PTK2: variants seen among roughly 807,000 people sequenced by gnomAD.
The protein encoded by PTK2 is focal adhesion kinase 1.
In PTK2, 45 loss-of-function variants were observed where a neutral mutation model predicts 150.1. That is an observed-to-expected ratio of 0.30 (90% CI 0.24 to 0.38). The LOEUF is 0.38. PTK2 is among the 10% of genes least tolerant of loss of function. The probability of loss-of-function intolerance (pLI) is 1.00; values close to 1 mark genes in which losing one functional copy is unlikely to be tolerated. For synonymous variants in PTK2, 432 were observed against 449.2 expected (o/e 0.96, Z 0.48); for missense variants, 919 against 1,307.3 (o/e 0.70, Z 4.58).
chr8:140,805,873 GCAT>G (rs1364980900), intron 10 of PTK2, among the ~76,000 whole-genome samples: 1 of 152,116 alleles, frequency 6.6e-6, no homozygotes, highest in Non-Finnish European at 1.5e-5. Context: ...ACAATACAAA[GCAT>G]CATAACTTGC....
exon 32 of PTK2, chr8:140,658,644 C>T (rs1367339872): frequency 9.6e-6 from 2 of 208,848 alleles, no homozygotes; most frequent in African/African-American, 4.5e-5. Flanking sequence ...GTCAACATGG[C>T]TTTAATCTTT....
intron 7 of PTK2, among the ~76,000 whole-genome samples, chr8:140,837,333 C>T (rs2100119291): frequency 1.3e-5 from 2 of 152,184 alleles, no homozygotes; most frequent in South Asian, 4.1e-4. Flanking sequence ...CTGATGAACT[C>T]TCTAGTTGGT....
intron 14 of PTK2, among the ~76,000 whole-genome samples, chr8:140,766,940 A>G (rs890545021): frequency 6.6e-6 from 1 of 152,218 alleles, no homozygotes; most frequent in Non-Finnish European, 1.5e-5. Flanking sequence ...TGCCCTACAC[A>G]TAACAGATCA....
intron 1 of PTK2, among the ~76,000 whole-genome samples, chr8:140,958,837 A>C (rs1446175539): frequency 6.6e-6 from 1 of 152,228 alleles, no homozygotes; most frequent in Non-Finnish European, 1.5e-5. Context: ...CTCACAATAT[A>C]TTTCTATTAA....
intron 4 of PTK2, among the ~76,000 whole-genome samples, chr8:140,873,334 G>GT (rs1291518194): frequency 6.6e-6 from 1 of 152,184 alleles, no homozygotes; most frequent in Non-Finnish European, 1.5e-5. Flanking sequence ...TTTCACTAAG[G>GT]TATCGATTTG....
intron 4 of PTK2, chr8:140,879,188 G>T (rs12210): frequency 3.9e-6 from 1 of 257,596 alleles, no homozygotes; most frequent in Non-Finnish European, 7.3e-6. Flanking sequence ...TTTATTGGGA[G>T]CAAAGGTTGA....
At chr8:140,729,263 C>G (rs2100047783) in intron 22 of PTK2, among the ~76,000 whole-genome samples, 1 of 152,092 alleles carries the variant, frequency 6.6e-6, no homozygotes, top group African/African-American at 2.4e-5. Flanking sequence ...AACAAAAACT[C>G]CAAACAAAAA....
At chr8:140,918,260 G>A (rs776067426) in intron 2 of PTK2, among the ~76,000 whole-genome samples, 2 of 152,058 alleles carry the variant, frequency 1.3e-5, no homozygotes, top group African/African-American at 4.8e-5. Flanking sequence ...AAAGGACAAC[G>A]GCCCAAAGCT....
At chr8:140,748,420 G>A (rs1214665016) in intron 17 of PTK2, among the ~76,000 whole-genome samples, 1 of 151,238 alleles carries the variant, frequency 6.6e-6, no homozygotes, top group Admixed American at 6.6e-5. Flanking sequence ...TTGAGCCTGG[G>A]AGGCAGATGC....
chr8:140,931,443 T>C (rs921890149), intron 1 of PTK2, among the ~76,000 whole-genome samples: 1 of 152,108 alleles, frequency 6.6e-6, no homozygotes, highest in African/African-American at 2.4e-5. Flanking sequence ...TGCCTGCCTG[T>C]AGTCCCAGCT....
At chr8:140,958,230 T>G (rs145965513) in intron 1 of PTK2, among the ~76,000 whole-genome samples, 1 of 152,158 alleles carries the variant, frequency 6.6e-6, no homozygotes. Context: ...ACCAACCTAC[T>G]GGGCTCAAGC....
At chr8:140,983,670 G>A (rs1477680182) in intron 1 of PTK2, among the ~76,000 whole-genome samples, 2 of 149,340 alleles carry the variant, frequency 1.3e-5, no homozygotes, top group Admixed American at 6.7e-5. Context: ...AAGGAAGGAA[G>A]GAAGGAAGAA....
intron 1 of PTK2, among the ~76,000 whole-genome samples, chr8:140,963,331 T>C (rs986325153): frequency 6.6e-6 from 1 of 152,170 alleles, no homozygotes; most frequent in Non-Finnish European, 1.5e-5. Context: ...TAGAAGGTTA[T>C]CTAATTTTCC....
intron 1 of PTK2, among the ~76,000 whole-genome samples, chr8:140,994,108 C>T (rs1489393484): frequency 2.6e-5 from 4 of 152,122 alleles, no homozygotes; most frequent in African/African-American, 7.2e-5. Flanking sequence ...CAGTAAGATT[C>T]GGGTAGGATT....
chr8:140,659,424 C>G (rs2076182247), exon 32 of PTK2: 1 of 1,545,302 alleles, frequency 6.5e-7, no homozygotes, highest in East Asian at 2.3e-5. Flanking sequence ...GGCTAGAGAA[C>G]ATCTTCAAAA....
intron 1 of PTK2, among the ~76,000 whole-genome samples, chr8:140,937,585 T>TAAAAAAAAAAAA (rs35149796): frequency 7.7e-6 from 1 of 130,140 alleles, no homozygotes. Flanking sequence ...AAGTAAACAA[T>TAAAAAAAAAAAA]AAAAAAAAAA....
intron 1 of PTK2, among the ~76,000 whole-genome samples, chr8:140,988,516 T>A (rs2100194240): frequency 6.6e-6 from 1 of 151,668 alleles, no homozygotes; most frequent in Non-Finnish European, 1.5e-5. Context: ...GATCACAAGG[T>A]CAGGAGATGG....
intron 14 of PTK2, 31 bp from the exon 17 acceptor site, chr8:140,764,321 AG>A (rs2100071065): frequency 1.3e-6 from 2 of 1,522,914 alleles, no homozygotes; most frequent in Admixed American, 3.4e-5. Context: ...ATGTTGAAAG[AG>A]GTTAAACATC....
intron 4 of PTK2, among the ~76,000 whole-genome samples, chr8:140,867,946 G>T (rs527394265): frequency 2.0e-5 from 3 of 152,312 alleles, no homozygotes; most frequent in African/African-American, 7.2e-5. Context: ...GCCATTTTAA[G>T]AGTCTAGTTG....
Sources: allele counts gnomAD v4.1 joint callset (sites outside exome capture counted in the v4.1 genomes callset), GRCh38; gene constraint gnomAD v4.1.1; transcripts MANE v1.5; gene names NCBI Gene and HGNC (gene_info 2026-07-23, HGNC 2026-07-21).